The following GALNT7 variants were observed in gnomAD, a reference collection of about 807,000 sequenced individuals.
GALNT7 encodes N-acetylgalactosaminyltransferase 7.
GALNT7 carries 60 observed loss-of-function variants against 82.1 expected under a neutral mutation model. The observed-to-expected ratio is 0.73, with a 90% confidence interval of 0.59 to 0.91. GALNT7 has a LOEUF of 0.91. Among genes scored for constraint, GALNT7 ranks in the 40% least tolerant of loss-of-function variants. GALNT7 has a pLI of 0.00. For synonymous variants in GALNT7, 243 were observed against 275.1 expected (o/e 0.88, Z 1.15); for missense variants, 660 against 804.2 (o/e 0.82, Z 2.17).
At chr4:173,233,570 C>T (rs535828409) in intron 1 of GALNT7, among the ~76,000 whole-genome samples, 6 of 152,140 alleles carry the variant, frequency 3.9e-5, no homozygotes, top group Non-Finnish European at 8.8e-5. Flanking sequence ...AAATGGGAGA[C>T]ACTGTTGGAT....
chr4:173,315,137 TAA>T (rs1737544143), intron 9 of GALNT7, among the ~76,000 whole-genome samples: 4 of 152,170 alleles, frequency 2.6e-5, no homozygotes, highest in African/African-American at 2.4e-5. Flanking sequence ...ATCTGAATGA[TAA>T]AGAGTCAGCC....
chr4:173,263,201 G>C (rs967570381), intron 2 of GALNT7, among the ~76,000 whole-genome samples: 1 of 152,050 alleles, frequency 6.6e-6, no homozygotes, highest in Non-Finnish European at 1.5e-5. Context: ...CTTTGAAAAA[G>C]CCGCTGCTAT....
intron 2 of GALNT7, among the ~76,000 whole-genome samples, chr4:173,265,595 CT>C (rs2126775624): frequency 7.6e-6 from 1 of 131,454 alleles, no homozygotes. Context: ...GCATCTCTCT[CT>C]CTCTCTCTCT....
At chr4:173,269,477 A>G (rs1444917514) in intron 2 of GALNT7, among the ~76,000 whole-genome samples, 1 of 152,174 alleles carries the variant, frequency 6.6e-6, no homozygotes, top group African/African-American at 2.4e-5. Flanking sequence ...TATGGAACAC[A>G]GGAGGTCTTT....
At chr4:173,298,704 G>A (rs556499705) in intron 6 of GALNT7, among the ~76,000 whole-genome samples, 10 of 152,184 alleles carry the variant, frequency 6.6e-5, no homozygotes, top group Non-Finnish European at 1.2e-4. Flanking sequence ...TTATTTCCAC[G>A]TTCATGCCGT....
chr4:173,280,801 T>C (rs1252629533), intron 2 of GALNT7, among the ~76,000 whole-genome samples: 1 of 152,216 alleles, frequency 6.6e-6, no homozygotes, highest in Non-Finnish European at 1.5e-5. Context: ...TTTACCTCAA[T>C]ACAATGGGCA....
rs1732521269 is a variant in GALNT7 at position 173,188,416 on chromosome 4, G to T, written c.126+19455G>T. ...ACAGGGGTTTTGGGCCAGTAAGGTT[G>T]ATAAGTGTTGCATATTGTATCACCC... On this transcript the variant is annotated intron_variant, in intron 1 of 11. Transcript: ENST00000265000. Among the ~76,000 whole-genome samples the T allele has an allele frequency of 2.6e-5, 4 of 152,182 alleles. No individual in the cohort carries two copies. In the South Asian group the frequency reaches 8.3e-4, roughly 32 times the overall value.
chr4:173,202,965 A>G (rs1029932917), intron 1 of GALNT7, among the ~76,000 whole-genome samples: 6 of 152,084 alleles, frequency 3.9e-5, no homozygotes, highest in Non-Finnish European at 8.8e-5. Context: ...TATCTGATAC[A>G]AATATAGCTA....
In GALNT7 at chr4:173,207,477, C is replaced by T. The variant is rs563385050; in HGVS notation, c.126+38516C>T. On this transcript the variant is annotated intron_variant, in intron 1 of 11. Coordinates refer to ENST00000265000, the MANE Select transcript of GALNT7 (RefSeq NM_017423.3). ...ATAGCTTAGTGTCCTGACTTTCTCT[C>T]GAAACCATCTTTCATACCATTAAAT... 1.1e-4 allele frequency among the ~76,000 whole-genome samples: 16 copies of T among 152,204 alleles called. No individual in the cohort carries two copies. In the South Asian group the frequency reaches 2.5e-3, roughly 24 times the overall value.
intron 1 of GALNT7, among the ~76,000 whole-genome samples, chr4:173,171,529 T>TA (rs1480538317): frequency 6.6e-6 from 1 of 152,252 alleles, no homozygotes; most frequent in Non-Finnish European, 1.5e-5. Flanking sequence ...TAAATTCTGT[T>TA]ACAGCCTTGA....
At chr4:173,219,017 G>T (rs1733556632) in intron 1 of GALNT7, among the ~76,000 whole-genome samples, 1 of 151,860 alleles carries the variant, frequency 6.6e-6, no homozygotes, top group South Asian at 2.1e-4. Flanking sequence ...GGTACAAGTG[G>T]TGTTTGTTTA....
intron 2 of GALNT7, among the ~76,000 whole-genome samples, chr4:173,277,032 AGATT>A (rs950881312): frequency 6.6e-6 from 1 of 151,996 alleles, no homozygotes; most frequent in Non-Finnish European, 1.5e-5. Context: ...GACGATAGAT[AGATT>A]GATTGATAGA....
chr4:173,272,942 T>C (rs1735781453), intron 2 of GALNT7, among the ~76,000 whole-genome samples: 1 of 152,226 alleles, frequency 6.6e-6, no homozygotes, highest in South Asian at 2.1e-4. Context: ...CATTTTGCTA[T>C]AGGGCCATTA....
rs1285902749 is a variant in GALNT7 at position 173,313,586 on chromosome 4, A to G, written c.1390-372A>G. ...ACCCCATCACAAAAAAAAAAAAAAA[A>G]GAAAAGAAAAGAAAGAGATTATTAT... On this transcript the variant is annotated intron_variant, in intron 8 of 11. Coordinates refer to ENST00000265000, the MANE Select transcript of GALNT7 (RefSeq NM_017423.3). Among the ~76,000 whole-genome samples, 10 of 150,948 alleles carry G rather than the reference A, an allele frequency of 6.6e-5. 1 individual carries two copies.
chr4:173,230,313 T>C (rs1733989728), intron 1 of GALNT7, among the ~76,000 whole-genome samples: 1 of 152,076 alleles, frequency 6.6e-6, no homozygotes, highest in South Asian at 2.1e-4. Flanking sequence ...TTTCAGTTAA[T>C]GGGTAGAGTT....
At chr4:173,183,564 A>G (rs1252685793) in intron 1 of GALNT7, among the ~76,000 whole-genome samples, 1 of 152,138 alleles carries the variant, frequency 6.6e-6, no homozygotes, top group Non-Finnish European at 1.5e-5. Context: ...CTACACAGAC[A>G]CAGTAACAAT....
intron 1 of GALNT7, among the ~76,000 whole-genome samples, chr4:173,246,182 A>G (rs892906810): frequency 3.9e-5 from 6 of 152,230 alleles, no homozygotes; most frequent in Admixed American, 3.3e-4. Flanking sequence ...TTGCCCATTG[A>G]AATGGAAATA....
intron 1 of GALNT7, among the ~76,000 whole-genome samples, chr4:173,247,237 T>C (rs540405314): frequency 6.6e-6 from 1 of 151,620 alleles, no homozygotes; most frequent in South Asian, 2.1e-4. Context: ...AAGATCTGCA[T>C]AGGTGATGAA....
intron 1 of GALNT7, among the ~76,000 whole-genome samples, chr4:173,242,894 A>G (rs1435050888): frequency 3.3e-5 from 5 of 152,180 alleles, no homozygotes; most frequent in African/African-American, 1.2e-4. Context: ...AAGGATGCTG[A>G]TAGGATTTTT....
Sources: allele counts gnomAD v4.1 joint callset (sites outside exome capture counted in the v4.1 genomes callset), GRCh38; gene constraint gnomAD v4.1.1; transcripts MANE v1.5; gene names NCBI Gene and HGNC (gene_info 2026-07-23, HGNC 2026-07-21).